The following RBFOX2 variants were observed in gnomAD, a reference collection of about 807,000 sequenced individuals.
The protein encoded by RBFOX2 is RNA binding fox-1 homolog 2.
RBFOX2 carries 10 observed loss-of-function variants against 49.1 expected under a neutral mutation model. The observed-to-expected ratio is 0.20, with a 90% CI of 0.13 to 0.35. The LOEUF (loss-of-function observed/expected upper bound fraction) is 0.35. RBFOX2 is among the 10% of genes least tolerant of loss of function. The probability of loss-of-function intolerance (pLI) is 1.00; values close to 1 mark genes in which losing one functional copy is unlikely to be tolerated. For synonymous variants in RBFOX2, 183 were observed against 187.4 expected (o/e 0.98, Z 0.19); for missense variants, 323 against 486.9 (o/e 0.66, Z 3.17).
chr22:36,002,305 C>CA (rs932702985), intron 1 of RBFOX2, among the ~76,000 whole-genome samples: 3 of 152,082 alleles, frequency 2.0e-5, no homozygotes, highest in Admixed American at 6.5e-5. Context: ...TACATACAAG[C>CA]AGCATTGTTT....
rs185622689 is a variant in RBFOX2, at chr22:35,958,196, C to T, written c.42+3367G>A. Among the ~76,000 whole-genome samples the T allele has an allele frequency of 6.6e-5, 10 of 152,244 alleles. No homozygotes were observed. The East Asian group carries it at 1.5e-3, about 23-fold the overall frequency. ...TATAACAGTCTCTTCACTCACATTG[C>T]TATTGAACATGATGTTAAACCAGCT... On this transcript the variant is annotated intron_variant, in intron 1 of 5. Coordinates refer to the RBFOX2 transcript ENST00000408983.
intron 10 of RBFOX2, 121 bp from the exon 13 acceptor site, chr22:35,746,116 G>A: frequency 1.2e-6 from 1 of 840,118 alleles, no homozygotes; most frequent in South Asian, 1.7e-5. Context: ...AAGGAAACTG[G>A]AATTACAAGG....
At chr22:35,830,866 A>G (rs75387185) in intron 1 of RBFOX2, among the ~76,000 whole-genome samples, 3,414 of 152,276 alleles carry the variant, frequency 0.022, 127 homozygotes, top group African/African-American at 0.079. Flanking sequence ...GAAAGGAAGT[A>G]AAGAAGGAGA....
intron 1 of RBFOX2, among the ~76,000 whole-genome samples, chr22:35,890,988 T>C (rs1056243697): frequency 2.0e-5 from 3 of 152,130 alleles, no homozygotes; most frequent in Non-Finnish European, 1.5e-5. Context: ...TTAGCAATGT[T>C]GTGAGGATGA....
chr22:35,823,644 A>T (rs749011259), intron 1 of RBFOX2, among the ~76,000 whole-genome samples: 2 of 152,224 alleles, frequency 1.3e-5, no homozygotes, highest in Non-Finnish European at 2.9e-5. Context: ...AGTTTCCTGT[A>T]TATATTTGAG....
Position 35,746,466 on chromosome 22 carries a change from T to C in RBFOX2, c.976+7A>G. 1 of 1,585,730 alleles carries C rather than the reference T, an allele frequency of 6.3e-7. No homozygotes were observed. Among genetic ancestry groups the C allele is most frequent in the Non-Finnish European group, 8.6e-7 (1 of 1,161,048 alleles). Reference sequence around the variant, plus strand: ...ATCCCAAAGCTCACCACTGTCTCTGTACATACCCGTCACTGTAAGCGGCTG... The same window carrying C: ...ATCCCAAAGCTCACCACTGTCTCTGCACATACCCGTCACTGTAAGCGGCTG... On this transcript the variant is annotated splice_region_variant and intron_variant, in intron 10 of 11. Coordinates refer to ENST00000405409, the Ensembl canonical transcript of RBFOX2.
At chr22:35,965,464 T>C (rs2056504183), upstream of RBFOX2, among the ~76,000 whole-genome samples, 1 of 152,198 alleles carries the variant, frequency 6.6e-6, no homozygotes, top group South Asian at 2.1e-4. Context: ...ATAAGAATAA[T>C]GGCCAAAATG....
In RBFOX2 at chr22:35,854,524, G is replaced by C. The variant is rs993003267; in HGVS notation, c.-33-44520C>G. On this transcript the variant is annotated intron_variant, in intron 1 of 13. Transcript: ENST00000359369. ...TGGGAGAATCACATAAACCCAGGAG[G>C]TCAAGGTTACAGTGAGTTATGATCA... Among the ~76,000 whole-genome samples the C allele has an allele frequency of 5.3e-5, 8 of 151,646 alleles. No individual in the cohort carries two copies. The East Asian group carries it at 1.2e-3, about 22-fold the overall frequency.
chr22:35,922,396 T>C (rs528100203), intron 1 of RBFOX2, among the ~76,000 whole-genome samples: 39 of 151,630 alleles, frequency 2.6e-4, no homozygotes, highest in South Asian at 2.3e-3. Context: ...CTGACCAACA[T>C]AGTGAAACCC....
chr22:36,027,278 C>A (rs989145068), intron 1 of RBFOX2, among the ~76,000 whole-genome samples: 1 of 152,180 alleles, frequency 6.6e-6, no homozygotes, highest in Non-Finnish European at 1.5e-5. Context: ...CCTCTAACAT[C>A]CTATGACTCC....
intron 2 of RBFOX2, among the ~76,000 whole-genome samples, chr22:35,808,674 C>A (rs1301766647): frequency 6.6e-6 from 1 of 151,776 alleles, no homozygotes; most frequent in Non-Finnish European, 1.5e-5. Flanking sequence ...AAAAGGAGAC[C>A]CTGTCTCTAC....
intron 1 of RBFOX2, chr22:35,994,735 G>A (rs2058118258): frequency 6.6e-6 from 1 of 151,558 alleles, no homozygotes; most frequent in African/African-American, 2.4e-5. Flanking sequence ...TTTCATATAA[G>A]AACAGAGATG....
intron 1 of RBFOX2, among the ~76,000 whole-genome samples, chr22:35,863,343 G>A (rs760190549): frequency 6.6e-6 from 1 of 152,108 alleles, no homozygotes; most frequent in Admixed American, 6.5e-5. Flanking sequence ...GAAAATTGAA[G>A]TGATTTTTAT....
At chr22:35,898,077 G>A (rs373506942) in intron 1 of RBFOX2, 151 of 733,646 alleles carry the variant, frequency 2.1e-4, no homozygotes, top group East Asian at 1.7e-3. Flanking sequence ...TATCTCTCGC[G>A]TCCCATTCCA....
In RBFOX2 at chr22:35,803,147, AAC is replaced by A. The variant is rs374346895; in HGVS notation, c.252+6631_252+6632del. Among the ~76,000 whole-genome samples, 238 of 145,292 alleles carry A rather than the reference AAC, an allele frequency of 1.6e-3. 2 individuals carry two copies. Among genetic ancestry groups the A allele is most frequent in the Middle Eastern group, 3.5e-3 (1 of 284 alleles). The stretch of plus-strand genomic sequence containing the variant: ...GTTTAAGTATGGGCAAATTACTTAA[AAC>A]ACACACACACACACACACACACACA... On this transcript the variant is annotated intron_variant, in intron 2 of 11. Transcript: ENST00000405409.
rs557657800 is a variant in RBFOX2, at chr22:35,769,773, C to T, written c.454-1424G>A. Among the ~76,000 whole-genome samples the T allele has an allele frequency of 2.6e-5, 4 of 152,206 alleles. No homozygotes were observed. In the South Asian group the frequency reaches 8.3e-4, roughly 32 times the overall value. On this transcript the variant is annotated intron_variant, in intron 4 of 11. Coordinates refer to ENST00000405409, the Ensembl canonical transcript of RBFOX2. ...TTCTTAACTGACACGGTAAACAATG[C>T]GCGTTGCTTAATAAAATTTTATAAA...
At chr22:35,809,066 A>C (rs1323961681) in intron 2 of RBFOX2, among the ~76,000 whole-genome samples, 1 of 152,000 alleles carries the variant, frequency 6.6e-6, no homozygotes, top group East Asian at 1.9e-4. Context: ...AAAAAAAAAA[A>C]AAAACCACCT....
In RBFOX2 at chr22:35,750,565, T is replaced by C; in HGVS notation, c.888-4004A>G. The C allele has an allele frequency of 6.9e-6, 5 of 726,640 alleles. No homozygotes were observed. In the South Asian group the frequency reaches 6.9e-5, roughly 10 times the overall value. The allele number at this position is 726,640 out of a possible 1,614,324, so 45.0% of individuals were successfully genotyped here. On this transcript the variant is annotated intron_variant, in intron 9 of 11. Transcript: ENST00000405409. ...GCTTTTTGGAACTCTGATAGCTGGA[T>C]AAATTTGGCTTGGCTAAGCTTGATT...
chr22:36,026,541 TACACACAC>T lies in RBFOX2; in HGVS notation c.186+1691_186+1698del, dbSNP rs3075271. 3.0e-4 allele frequency among the ~76,000 whole-genome samples: 41 copies of T among 136,644 alleles called. 1 individual carries two copies. Among genetic ancestry groups the T allele is most frequent in the Middle Eastern group, 7.2e-3 (2 of 276 alleles). The allele number at this position is 136,644 out of a possible 152,430, so 89.6% of individuals were successfully genotyped here. A position where few individuals can be genotyped will look rare whatever the true frequency, so the allele number is the denominator to read the frequency against. ...TTGACAGAAATGATAAATGAATACA[TACACACAC>T]ACACACACACACACACACACACACC... On this transcript the variant is annotated intron_variant, in intron 1 of 13. Coordinates refer to the RBFOX2 transcript ENST00000438146.
Sources: allele counts gnomAD v4.1 joint callset (sites outside exome capture counted in the v4.1 genomes callset), GRCh38; gene constraint gnomAD v4.1.1; transcripts MANE v1.5; gene names NCBI Gene and HGNC (gene_info 2026-07-23, HGNC 2026-07-21).